SMYD3: variants seen among roughly 807,000 people sequenced by gnomAD.
SMYD3 encodes the protein histone-lysine N-methyltransferase SMYD3.
A neutral mutation model predicts 57.7 loss-of-function variants in SMYD3; 36 were observed. The observed-to-expected ratio is 0.62, with a 90% CI of 0.48 to 0.82. The LOEUF (loss-of-function observed/expected upper bound fraction) is 0.82, where lower values mean the gene tolerates loss of function less well. SMYD3 is among the 40% of genes least tolerant of loss of function. SMYD3 has a pLI of 0.00. For synonymous variants in SMYD3, 211 were observed against 195.0 expected (o/e 1.08, Z -0.68); for missense variants, 515 against 538.8 (o/e 0.96, Z 0.44).
rs1362806611 is a variant in SMYD3, at chr1:245,915,538, G to C, written c.805C>G (p.Gln269Glu). 1.2e-6 allele frequency: 2 copies of C among 1,611,366 alleles called. No individual in the cohort carries two copies. Among genetic ancestry groups the C allele is most frequent in the East Asian group, 4.5e-5 (2 of 44,864 alleles). Residue 269 changes from glutamine to glutamate, a missense_variant, in exon 8 of 12, where the codon CAG becomes GAG. Physicochemically the swap from Gln to Glu is conservative, Grantham distance 29 (BLOSUM62 2). Transcript: ENST00000490107. ...FECDCFRCQT[Q>E]DKDADMLTGD... is the part of the protein sequence containing the mutation. Reference sequence around the variant, plus strand: ...GGTTCCATACTACATACCTTGTCCTGGGTTTGGCAACGGAAACAGTCACAT... The same window carrying C: ...GGTTCCATACTACATACCTTGTCCTCGGTTTGGCAACGGAAACAGTCACAT...
At chr1:245,811,642 C>G (rs1182689633) in intron 10 of SMYD3, among the ~76,000 whole-genome samples, 5 of 152,164 alleles carry the variant, frequency 3.3e-5, no homozygotes, top group Non-Finnish European at 1.5e-5. Flanking sequence ...CTACCAGACA[C>G]ATAAAAATTT....
intron 10 of SMYD3, among the ~76,000 whole-genome samples, chr1:245,836,120 G>A (rs891688292): frequency 3.9e-5 from 6 of 152,130 alleles, no homozygotes; most frequent in African/African-American, 7.2e-5. Context: ...TGGCAAAAAC[G>A]AATCATTGGC....
chr1:246,303,532 A>G (rs959312327), intron 5 of SMYD3, among the ~76,000 whole-genome samples: 1 of 152,148 alleles, frequency 6.6e-6, no homozygotes, highest in Non-Finnish European at 1.5e-5. Context: ...ATTAGTTGTT[A>G]TACTCTTTTT....
chr1:246,172,004 T>G (rs1434975337), intron 5 of SMYD3, among the ~76,000 whole-genome samples: 1 of 152,194 alleles, frequency 6.6e-6, no homozygotes, highest in Non-Finnish European at 1.5e-5. Flanking sequence ...GACTATGACT[T>G]TATCTCATGA....
chr1:246,184,044 A>G (rs1388648031), intron 5 of SMYD3, among the ~76,000 whole-genome samples: 1 of 152,222 alleles, frequency 6.6e-6, no homozygotes, highest in African/African-American at 2.4e-5. Context: ...CACGTCCCAG[A>G]TTATTTTAAA....
chr1:245,982,969 G>A (rs934357743), intron 5 of SMYD3, among the ~76,000 whole-genome samples: 1 of 152,144 alleles, frequency 6.6e-6, no homozygotes, highest in Non-Finnish European at 1.5e-5. Context: ...ATTTATCAAC[G>A]CAAATGCTCA....
intron 5 of SMYD3, chr1:246,326,828 T>C (rs1375122314): frequency 3.5e-6 from 1 of 286,194 alleles, no homozygotes; most frequent in Admixed American, 5.1e-5. Context: ...ACAGGCTCTA[T>C]GCTTAAACAA....
At chr1:246,473,703 TAA>T (rs1377412481) in intron 1 of SMYD3, among the ~76,000 whole-genome samples, 1 of 152,212 alleles carries the variant, frequency 6.6e-6, no homozygotes, top group Non-Finnish European at 1.5e-5. Context: ...TATTACAGTA[TAA>T]GAGAAGAGGC....
intron 10 of SMYD3, among the ~76,000 whole-genome samples, chr1:245,802,546 C>G (rs1404045599): frequency 6.6e-6 from 1 of 152,144 alleles, no homozygotes; most frequent in South Asian, 2.1e-4. Context: ...AGGAGTATTG[C>G]AGTACTAGAG....
intron 5 of SMYD3, among the ~76,000 whole-genome samples, chr1:246,079,565 C>T (rs1016208287): frequency 6.6e-6 from 1 of 152,160 alleles, no homozygotes; most frequent in African/African-American, 2.4e-5. Context: ...ATAGTTCACA[C>T]TCATGGGAAA....
chr1:245,915,229 G>A (rs996587918), intron 8 of SMYD3, among the ~76,000 whole-genome samples: 3 of 152,150 alleles, frequency 2.0e-5, no homozygotes, highest in African/African-American at 7.2e-5. Flanking sequence ...TACTACATAT[G>A]TTCTACTAGC....
At chr1:246,048,765 T>C (rs1239860947) in intron 5 of SMYD3, among the ~76,000 whole-genome samples, 1 of 150,474 alleles carries the variant, frequency 6.6e-6, no homozygotes, top group East Asian at 1.9e-4. Context: ...TCAAATGAGA[T>C]AAAGTATTTA....
intron 1 of SMYD3, among the ~76,000 whole-genome samples, chr1:246,371,006 G>T (rs944475414): frequency 1.3e-5 from 2 of 152,158 alleles, no homozygotes; most frequent in Non-Finnish European, 2.9e-5. Context: ...TTTGAAGGTT[G>T]CATTTGTAGA....
At chr1:245,766,010 T>C (rs376548990) in intron 10 of SMYD3, among the ~76,000 whole-genome samples, 4 of 152,162 alleles carry the variant, frequency 2.6e-5, no homozygotes, top group South Asian at 4.1e-4. Flanking sequence ...AAATGTGATA[T>C]AGAAACACTT....
At chr1:246,275,884 C>A (rs1350136591) in intron 5 of SMYD3, among the ~76,000 whole-genome samples, 2 of 152,090 alleles carry the variant, frequency 1.3e-5, no homozygotes, top group African/African-American at 4.8e-5. Flanking sequence ...TTAACACTGG[C>A]AAGTTATTTA....
At chr1:245,852,392 G>A (rs762805667) in intron 10 of SMYD3, among the ~76,000 whole-genome samples, 6 of 152,192 alleles carry the variant, frequency 3.9e-5, no homozygotes, top group Non-Finnish European at 8.8e-5. Flanking sequence ...ACGTACAGGT[G>A]GCATCTCAAG....
intron 8 of SMYD3, among the ~76,000 whole-genome samples, chr1:245,896,957 C>G (rs927471407): frequency 6.6e-6 from 1 of 152,172 alleles, no homozygotes; most frequent in Non-Finnish European, 1.5e-5. Context: ...TACAAAATTC[C>G]AGAACACTGA....
rs1419658167 is a variant in SMYD3 at position 246,240,036 on chromosome 1, A to AG, written c.531+87164dup. ...TTGTAAAAATTTTCTCCCATTCTGT[A>AG]GGTTGCCTGTTCACTCTGATAGTAG... On this transcript the variant is annotated intron_variant, in intron 5 of 11. Coordinates refer to ENST00000490107, the MANE Select transcript of SMYD3 (RefSeq NM_001167740.2). Among the ~76,000 whole-genome samples, 13 of 152,236 alleles carry AG rather than the reference A, an allele frequency of 8.5e-5. No homozygotes were observed. In the East Asian group the frequency reaches 2.5e-3, roughly 29 times the overall value.
chr1:246,292,337 C>G (rs1284708342), intron 5 of SMYD3, among the ~76,000 whole-genome samples: 1 of 151,830 alleles, frequency 6.6e-6, no homozygotes, highest in African/African-American at 2.4e-5. Flanking sequence ...ATCCAATACA[C>G]CAGTACATTA....
Sources: allele counts gnomAD v4.1 joint callset (sites outside exome capture counted in the v4.1 genomes callset), GRCh38; gene constraint gnomAD v4.1.1; transcripts MANE v1.5; gene names NCBI Gene and HGNC (gene_info 2026-07-23, HGNC 2026-07-21).